Variants in RPS6KA2 observed in about 807,000 individuals in gnomAD.
RPS6KA2 encodes the protein ribosomal protein S6 kinase A2.
RPS6KA2 carries 42 observed loss-of-function variants against 91.8 expected under a neutral mutation model. The ratio of observed to expected loss-of-function variants is 0.46; its 90% CI spans 0.36 to 0.59. The LOEUF is 0.59. Ranked by LOEUF, RPS6KA2 falls within the 20% of genes least tolerant of loss-of-function variation. RPS6KA2 has a pLI of 0.00. For missense variants in RPS6KA2, 798 were observed against 978.5 expected (o/e 0.82, Z 2.46); for synonymous variants, 414 against 393.6 (o/e 1.05, Z -0.61).
rs2128459613 is a variant in RPS6KA2, at chr6:166,459,135, T to A, written c.1075+314A>T. Among the ~76,000 whole-genome samples the A allele has an allele frequency of 6.6e-6, 1 of 152,326 alleles. No homozygotes were observed. Among genetic ancestry groups the A allele is most frequent in the South Asian group, 2.1e-4 (1 of 4,830 alleles). On this transcript the variant is annotated intron_variant, in intron 12 of 20. Coordinates refer to ENST00000265678, the MANE Select transcript of RPS6KA2 (RefSeq NM_021135.6). This position sits in a 1 kb window ranked among gnomAD's most constrained non-coding sequence, Gnocchi z 4.9. ...ACTTTAATTGAAAGAGGGATTTTAATTGCCTCCAGTTTCTTTTCTTGCTCT... is the reference window on the plus strand; with the variant it reads ...ACTTTAATTGAAAGAGGGATTTTAAATGCCTCCAGTTTCTTTTCTTGCTCT...
rs1257948892 is a variant in RPS6KA2 at position 166,448,775 on chromosome 6, T to C, written c.1281A>G (p.Ser427=). 5 of 1,613,542 alleles carry C rather than the reference T, an allele frequency of 3.1e-6. No homozygotes were observed. The African/African-American group carries it at 4.0e-5, about 13-fold the overall frequency. The change falls in exon 14 of 21, where the codon TCA becomes TCG. Residue 427 remains serine (S), a synonymous_variant. Coordinates refer to ENST00000265678, the MANE Select transcript of RPS6KA2 (RefSeq NM_021135.6). This position sits in a 1 kb window ranked among gnomAD's most constrained non-coding sequence, Gnocchi z 4.7. ...IKEDIGVGSY[S]VCKRCVHKAT... ...CTTTATGCACACATCGCTTGCACACTGAGTAGGAGCCCACCCCGATGTCCT... is the reference window on the plus strand; with the variant it reads ...CTTTATGCACACATCGCTTGCACACCGAGTAGGAGCCCACCCCGATGTCCT...
chr6:166,581,891 C>G (rs61499988), intron 1 of RPS6KA2, among the ~76,000 whole-genome samples: 2 of 71,326 alleles, frequency 2.8e-5, no homozygotes, highest in Non-Finnish European at 2.6e-5. Flanking sequence ...GGGGAGAGGG[C>G]GGGATGGGGT....
At chr6:166,504,959 C>A (rs1782145425) in intron 5 of RPS6KA2, among the ~76,000 whole-genome samples, 2 of 152,190 alleles carry the variant, frequency 1.3e-5, no homozygotes, top group South Asian at 4.1e-4. Flanking sequence ...AGCATGAGTG[C>A]TGCTCATGTG....
At chr6:166,827,311 C>A (rs1099657) in intron 2 of RPS6KA2, among the ~76,000 whole-genome samples, 1 of 149,526 alleles carries the variant, frequency 6.7e-6, no homozygotes, top group Non-Finnish European at 1.5e-5. Context: ...ACACCTGCCC[C>A]GAAACTGCCT....
intron 14 of RPS6KA2, among the ~76,000 whole-genome samples, chr6:166,436,198 C>T (rs1779296157): frequency 1.3e-5 from 2 of 152,034 alleles, no homozygotes; most frequent in Admixed American, 1.3e-4. Context: ...GCCACGTTTA[C>T]AGCCCTGAAA....
At chr6:166,834,130 T>C (rs749278373) in intron 2 of RPS6KA2, among the ~76,000 whole-genome samples, 2 of 152,232 alleles carry the variant, frequency 1.3e-5, no homozygotes, top group Non-Finnish European at 2.9e-5. Context: ...CCAAAGTAGC[T>C]GCGTCATTTT....
Position 166,585,498 on chromosome 6 carries a change from CTTTTTTTT to C in RPS6KA2, c.99+41415_99+41422del, listed in dbSNP as rs58153048. ...ATCTCAAACATGACATCAAACAAGT[CTTTTTTTT>C]TTTTTTTTTTTTTCCTTATTTTACA... On this transcript the variant is annotated intron_variant, in intron 1 of 20. Coordinates refer to ENST00000265678, the MANE Select transcript of RPS6KA2 (RefSeq NM_021135.6). Among the ~76,000 whole-genome samples, 3 of 86,308 alleles carry C rather than the reference CTTTTTTTT, an allele frequency of 3.5e-5. 1 individual carries two copies. Among genetic ancestry groups the C allele is most frequent in the Middle Eastern group, 8.8e-3 (1 of 114 alleles). 56.6% of individuals were successfully genotyped at this position (86,308 alleles called of 152,430 possible).
chr6:166,429,693 C>T (rs917907139), intron 16 of RPS6KA2, among the ~76,000 whole-genome samples: 2 of 152,064 alleles, frequency 1.3e-5, no homozygotes, highest in South Asian at 4.2e-4. Flanking sequence ...TCAGGTGATC[C>T]ACCTGCATCA....
chr6:166,583,853 G>T (rs1785093437), intron 1 of RPS6KA2, among the ~76,000 whole-genome samples: 1 of 152,172 alleles, frequency 6.6e-6, no homozygotes, highest in African/African-American at 2.4e-5. Flanking sequence ...TACTTCCATG[G>T]GTTCTATCTA....
rs1300022660 is a variant in RPS6KA2, at chr6:166,770,767, A to G, written c.123+87433T>C. 6.5e-6 allele frequency: 8 copies of G among 1,236,190 alleles called. No individual in the cohort carries two copies. Among genetic ancestry groups the G allele is most frequent in the Middle Eastern group, 1.9e-4 (1 of 5,188 alleles). 76.6% of individuals were successfully genotyped at this position (1,236,190 alleles called of 1,614,324 possible). A position where few individuals can be genotyped will look rare whatever the true frequency, so the allele number is the denominator to read the frequency against. ...GCTGGACTCCGGGCACCGTGAAACA[A>G]CTCAATAAATTGAAAAAGACTTCAT... On this transcript the variant is annotated intron_variant, in intron 2 of 21. Transcript: ENST00000503859. The surrounding 1 kb of genome is among the most constrained non-coding windows in gnomAD (Gnocchi z 5.1).
At chr6:166,744,713 TG>T (rs1434276559) in intron 2 of RPS6KA2, among the ~76,000 whole-genome samples, 1 of 152,102 alleles carries the variant, frequency 6.6e-6, no homozygotes, top group Non-Finnish European at 1.5e-5. Context: ...AGATGACACC[TG>T]GGGGCATGCA....
chr6:166,440,975 T>G (rs1168704650), intron 14 of RPS6KA2, among the ~76,000 whole-genome samples: 1 of 152,176 alleles, frequency 6.6e-6, no homozygotes, highest in Non-Finnish European at 1.5e-5. Flanking sequence ...CTGAGGAGCT[T>G]CTTTGATTAG....
intron 2 of RPS6KA2, among the ~76,000 whole-genome samples, chr6:166,656,383 C>T (rs1003978508): frequency 2.6e-5 from 4 of 152,196 alleles, no homozygotes; most frequent in Non-Finnish European, 5.9e-5. Context: ...AACCCAAAGG[C>T]GTCTTCCTCT....
intron 1 of RPS6KA2, among the ~76,000 whole-genome samples, chr6:166,558,757 A>C (rs1396969420): frequency 6.6e-6 from 1 of 152,206 alleles, no homozygotes; most frequent in East Asian, 1.9e-4. Flanking sequence ...GAGGCCTAAT[A>C]AAGCCCACAC....
At chr6:166,710,146 T>C (rs1386114601) in intron 2 of RPS6KA2, among the ~76,000 whole-genome samples, 2 of 152,256 alleles carry the variant, frequency 1.3e-5, no homozygotes, top group African/African-American at 2.4e-5. Flanking sequence ...TTTGTAAGTA[T>C]ATGTGTATGT....
intron 8 of RPS6KA2, among the ~76,000 whole-genome samples, chr6:166,492,890 ATT>A (rs71032807): frequency 0.032 from 3,344 of 103,548 alleles, 132 homozygotes; most frequent in African/African-American, 0.11. Context: ...TAATTTTTGT[ATT>A]TTTTTTTTTT....
chr6:166,759,539 C>T (rs1351826698), intron 2 of RPS6KA2, among the ~76,000 whole-genome samples: 1 of 152,226 alleles, frequency 6.6e-6, no homozygotes, highest in Non-Finnish European at 1.5e-5. Context: ...AATTTCGTCT[C>T]TGTGATTTTA....
chr6:166,563,538 C>T lies in RPS6KA2; in HGVS notation c.100-24754G>A, dbSNP rs1320298847. On this transcript the variant is annotated intron_variant, in intron 1 of 20. Coordinates refer to ENST00000265678, the MANE Select transcript of RPS6KA2 (RefSeq NM_021135.6). This position sits in a 1 kb window ranked among gnomAD's most constrained non-coding sequence, Gnocchi z 4.1. ...AGTGCTGTGCCTGCCCCCACTCCAT[C>T]TGAGCGGCTGACCAGTCACCAGACT... 6.6e-6 allele frequency among the ~76,000 whole-genome samples: 1 copy of T among 152,042 alleles called. No homozygotes were observed. Among genetic ancestry groups the T allele is most frequent in the Non-Finnish European group, 1.5e-5 (1 of 67,998 alleles).
At chr6:166,734,113 A>G (rs1399081597) in intron 2 of RPS6KA2, among the ~76,000 whole-genome samples, 1 of 152,210 alleles carries the variant, frequency 6.6e-6, no homozygotes, top group Non-Finnish European at 1.5e-5. Flanking sequence ...AGGTTGGGAC[A>G]GGCCCTGAGG....
Sources: allele counts gnomAD v4.1 joint callset (sites outside exome capture counted in the v4.1 genomes callset), GRCh38; gene constraint gnomAD v4.1.1; non-coding constraint Gnocchi (gnomAD v3.1); transcripts MANE v1.5; gene names NCBI Gene and HGNC (gene_info 2026-07-23, HGNC 2026-07-21).